Variants in VEPH1 observed in about 807,000 individuals in gnomAD.
VEPH1 encodes ventricular zone-expressed PH domain-containing protein homolog 1.
VEPH1 carries 80 observed loss-of-function variants against 85.2 expected under a neutral mutation model. That is an observed-to-expected ratio of 0.94 (90% CI 0.78 to 1.13). VEPH1 has a LOEUF of 1.13. Ranked by LOEUF, VEPH1 falls within the 50% of genes most tolerant of loss-of-function variation. The probability of loss-of-function intolerance (pLI) is 0.00; values close to 1 mark genes in which losing one functional copy is unlikely to be tolerated. For missense variants in VEPH1, 955 were observed against 980.5 expected (o/e 0.97, Z 0.35); for synonymous variants, 297 against 348.0 (o/e 0.85, Z 1.63).
chr3:157,378,575 C>T (rs1323912542), intron 7 of VEPH1, among the ~76,000 whole-genome samples: 2 of 151,574 alleles, frequency 1.3e-5, no homozygotes, highest in Non-Finnish European at 2.9e-5. Context: ...GTTAAGAAAC[C>T]CTTGTAATAG....
In VEPH1 at chr3:157,413,948, C is replaced by A. The variant is rs1269343430; in HGVS notation, c.839G>T (p.Gly280Val). ...NSFLPMLKEI[G>V]ERFPYLTGQM... Reference sequence around the variant, plus strand: ...TCCAGTGAGGTAGGGGAATCTCTCACCAATCTCTTTCAGCATTGGAAGAAA... The same window carrying A: ...TCCAGTGAGGTAGGGGAATCTCTCAACAATCTCTTTCAGCATTGGAAGAAA... The change falls in exon 6 of 14, where the codon GGT becomes GTT. Residue 280 changes from glycine (G) to valine (V), a missense_variant. By Grantham distance (109) the Gly-to-Val change is moderately radical. Coordinates refer to ENST00000362010, the MANE Select transcript of VEPH1 (RefSeq NM_001167912.2). 6.2e-7 allele frequency: 1 copy of A among 1,613,676 alleles called. No homozygotes were observed. Among genetic ancestry groups the A allele is most frequent in the South Asian group, 1.1e-5 (1 of 91,064 alleles).
chr3:157,442,790 G>A (rs774189713), intron 4 of VEPH1: 1 of 1,614,114 alleles, frequency 6.2e-7, no homozygotes, highest in African/African-American at 1.3e-5. Context: ...GCTGCTGTGT[G>A]GGTGGTGGCT....
chr3:157,384,326 G>C (rs1729072591), intron 6 of VEPH1, among the ~76,000 whole-genome samples: 1 of 152,162 alleles, frequency 6.6e-6, no homozygotes, highest in African/African-American at 2.4e-5. Flanking sequence ...GCTTGATATA[G>C]GGTGGTAGGA....
rs539610095 is a variant in VEPH1, at chr3:157,398,432, G to A, written c.906+15449C>T. Among the ~76,000 whole-genome samples, 46 of 151,810 alleles carry A rather than the reference G, an allele frequency of 3.0e-4. 1 individual carries two copies. The highest frequency in any genetic ancestry group is 9.7e-4 in the African/African-American group (40 of 41,390). ...GTGTGGATCACGAGGTCAGGAGATC[G>A]AGACTATCCTGGCCAATATGGTGAA... On this transcript the variant is annotated intron_variant, in intron 6 of 13. Transcript: ENST00000362010.
At chr3:157,358,695 T>C (rs990991811) in intron 9 of VEPH1, among the ~76,000 whole-genome samples, 20 of 152,108 alleles carry the variant, frequency 1.3e-4, no homozygotes, top group African/African-American at 4.8e-4. Flanking sequence ...ATGAAAACAA[T>C]GCCCACTAAT....
chr3:157,289,266 G>T (rs73016274), intron 11 of VEPH1, among the ~76,000 whole-genome samples: 4,136 of 152,256 alleles, frequency 0.027, 190 homozygotes, highest in African/African-American at 0.094. Context: ...ATACTTAAGG[G>T]TTCCTTTATT....
chr3:157,338,376 A>T (rs1051637210), intron 9 of VEPH1, among the ~76,000 whole-genome samples: 9 of 152,224 alleles, frequency 5.9e-5, no homozygotes. Context: ...CTCTACCTTT[A>T]TGAATAACTG....
At chr3:157,426,287 T>C (rs953199772) in intron 5 of VEPH1, among the ~76,000 whole-genome samples, 13 of 152,276 alleles carry the variant, frequency 8.5e-5, no homozygotes, top group African/African-American at 3.1e-4. Context: ...AGAGCATGCA[T>C]CCAAAACAGA....
At chr3:157,319,502 G>A (rs981375248) in intron 9 of VEPH1, among the ~76,000 whole-genome samples, 12 of 152,104 alleles carry the variant, frequency 7.9e-5, no homozygotes, top group African/African-American at 2.7e-4. Flanking sequence ...TTATGGTAAA[G>A]AAATAGGAAA....
At chr3:157,431,550 A>G (rs1334624299) in intron 4 of VEPH1, among the ~76,000 whole-genome samples, 2 of 151,804 alleles carry the variant, frequency 1.3e-5, no homozygotes, top group Non-Finnish European at 2.9e-5. Flanking sequence ...TTATCTCCCT[A>G]TCTTATTTAG....
chr3:157,411,737 T>C (rs1731547659), intron 6 of VEPH1, among the ~76,000 whole-genome samples: 1 of 152,202 alleles, frequency 6.6e-6, no homozygotes, highest in African/African-American at 2.4e-5. Flanking sequence ...AAGATTTGTT[T>C]GTTTTGGGGG....
intron 11 of VEPH1, among the ~76,000 whole-genome samples, chr3:157,312,218 C>T (rs1339994128): frequency 2.0e-5 from 3 of 152,174 alleles, no homozygotes; most frequent in Non-Finnish European, 2.9e-5. Context: ...ATCTGGTTTG[C>T]TCAGTAAGCA....
intron 5 of VEPH1, among the ~76,000 whole-genome samples, chr3:157,416,684 T>G (rs1432963878): frequency 1.3e-5 from 2 of 152,110 alleles, no homozygotes; most frequent in Non-Finnish European, 2.9e-5. Context: ...ACTTTAAAAT[T>G]TAAACTCCAG....
At chr3:157,411,129 CAG>C (rs1228069092) in intron 6 of VEPH1, among the ~76,000 whole-genome samples, 1 of 152,184 alleles carries the variant, frequency 6.6e-6, no homozygotes, top group Non-Finnish European at 1.5e-5. Flanking sequence ...TGGGTGGAGA[CAG>C]TGTCATCTTG....
At chr3:157,293,396 C>T (rs1022228221) in intron 11 of VEPH1, among the ~76,000 whole-genome samples, 1 of 152,194 alleles carries the variant, frequency 6.6e-6, no homozygotes, top group Non-Finnish European at 1.5e-5. Context: ...ACTATCACTA[C>T]ATATCACTAA....
intron 6 of VEPH1, chr3:157,413,411 C>T (rs1309756942): frequency 3.2e-6 from 3 of 923,790 alleles, no homozygotes; most frequent in African/African-American, 1.8e-5. Context: ...GCTATGGGCT[C>T]TCATTAAAGG....
intron 9 of VEPH1, among the ~76,000 whole-genome samples, chr3:157,353,263 A>G (rs1414723727): frequency 6.6e-6 from 1 of 150,894 alleles, no homozygotes; most frequent in African/African-American, 2.4e-5. Flanking sequence ...TGCACCCCCA[A>G]TCTGATTATT....
chr3:157,344,351 T>C (rs1258117942), intron 9 of VEPH1, among the ~76,000 whole-genome samples: 2 of 152,178 alleles, frequency 1.3e-5, no homozygotes, highest in Admixed American at 1.3e-4. Context: ...AAAATCAATG[T>C]GCAAAAATCA....
chr3:157,352,000 T>A (rs1724917845), intron 9 of VEPH1, among the ~76,000 whole-genome samples: 1 of 152,242 alleles, frequency 6.6e-6, no homozygotes, highest in African/African-American at 2.4e-5. Flanking sequence ...ATTGCTCTAT[T>A]GTTATGTTTA....
Sources: gnomAD v4.1 joint callset for allele counts (sites outside exome capture counted in the v4.1 genomes callset) on GRCh38, gnomAD v4.1.1 for gene constraint, MANE v1.5 for transcripts, NCBI Gene and HGNC (gene_info 2026-07-23, HGNC 2026-07-21) for gene names.